TRMT2A: variants seen among roughly 807,000 people sequenced by gnomAD.
TRMT2A encodes the protein tRNA (uracil-5-)-methyltransferase homolog A.
In TRMT2A, 60 loss-of-function variants were observed where a neutral mutation model predicts 59.3. The ratio of observed to expected loss-of-function variants is 1.01; its 90% CI spans 0.82 to 1.26. The LOEUF is 1.26. TRMT2A is among the 50% of genes most tolerant of loss of function. TRMT2A has a pLI of 0.00. For synonymous variants in TRMT2A, 403 were observed against 353.7 expected (o/e 1.14, Z -1.56); for missense variants, 863 against 845.2 (o/e 1.02, Z -0.26).
At position 20,113,268 on chromosome 22, in the gene TRMT2A, C is replaced by G. The variant is rs201337295; in HGVS notation, c.1433-34G>C. On this transcript the variant is annotated intron_variant, in intron 9 of 11. Coordinates refer to ENST00000252136, the MANE Select transcript of TRMT2A (RefSeq NM_022727.6). ...ATGGCACCGTGGCCTGTCAGAGGGC[C>G]ACATGCCCTCCCAGCAGGGCCAGCC... is the stretch of plus-strand genomic sequence containing the variant. 817 of 1,520,598 alleles carry G rather than the reference C, an allele frequency of 5.4e-4. 1 individual carries two copies. The highest frequency in any genetic ancestry group is 6.9e-4 in the Non-Finnish European group (780 of 1,132,938). 94.2% of individuals were successfully genotyped at this position (1,520,598 alleles called of 1,614,324 possible).
rs2049978192 is a variant in TRMT2A, at chr22:20,115,374, C to T, written c.782G>A (p.Arg261Gln). Residue 261 changes from arginine to glutamine, a missense_variant, in exon 4 of 12, where the codon CGG (arginine) becomes CAG (glutamine). By Grantham distance (43) the Arg-to-Gln change is conservative. Transcript: ENST00000252136. ...VDGEDNTVGC[R>Q]LGKYKGGTCA... ...CGTCCCGCCCTTGTACTTGCCGAGC[C>T]GACAGCCCACGGTGTTATCCTCCCC... 24 of 1,612,692 alleles carry T rather than the reference C, an allele frequency of 1.5e-5. No homozygotes were observed. The highest frequency in any genetic ancestry group is 3.3e-5 in the Admixed American group (2 of 59,992).
chr22:20,115,299 TTGGTGGCTTCGGGGA>T lies in TRMT2A; in HGVS notation c.842_856del (p.Ile281_Thr285del), dbSNP rs748723633. 4.3e-6 allele frequency: 7 copies of T among 1,612,720 alleles called. No homozygotes were observed. On this transcript the variant is annotated inframe_deletion, in exon 4 of 12. Transcript: ENST00000252136. ...CTCCTGGAAGGCCTTCACCACCTGC[TTGGTGGCTTCGGGGA>T]TGTGCACGGTGTCAAACGGGGCTGC... is the stretch of plus-strand genomic sequence containing the variant.
intron 9 of TRMT2A, 32 bp downstream of exon 9, chr22:20,113,400 T>C (rs765694263): frequency 3.7e-4 from 383 of 1,048,554 alleles, no homozygotes; most frequent in Non-Finnish European, 4.7e-4. Flanking sequence ...GCTGCCCCCA[T>C]CCCCACCCCC....
intron 9 of TRMT2A, 33 bp downstream of exon 9, chr22:20,113,399 A>AGC: frequency 9.8e-6 from 7 of 713,624 alleles, no homozygotes; most frequent in Non-Finnish European, 1.4e-5. Flanking sequence ...GGCTGCCCCC[A>AGC]TCCCCACCCC....
chr22:20,115,891 C>G lies in TRMT2A; in HGVS notation c.600-111G>C, dbSNP rs2049998814. The G allele has an allele frequency of 1.1e-5, 15 of 1,378,208 alleles. No homozygotes were observed. In the South Asian group the frequency reaches 2.1e-4, roughly 19 times the overall value. 85.4% of individuals were successfully genotyped at this position (1,378,208 alleles called of 1,614,324 possible). On this transcript the variant is annotated intron_variant, in intron 2 of 11. Transcript: ENST00000252136. ...CCCCTCCTTTGGGATGTCATTGTGC[C>G]CACTGTGACGTGGGTGTCTTGCTGG...
intron 5 of TRMT2A, 43 bp from the exon 6 acceptor site, chr22:20,114,919 C>T (rs1379334362): frequency 1.9e-6 from 3 of 1,567,336 alleles, no homozygotes; most frequent in Non-Finnish European, 2.6e-6. Context: ...TGTGCTGAGG[C>T]CCACCTAGGC....
At position 20,115,387 on chromosome 22, in the gene TRMT2A, T is replaced by A. The variant is rs776749209; in HGVS notation, c.769A>T (p.Thr257Ser). 4 of 1,612,578 alleles carry A rather than the reference T, an allele frequency of 2.5e-6. No homozygotes were observed. Among genetic ancestry groups the A allele is most frequent in the Non-Finnish European group, 3.4e-6 (4 of 1,179,962 alleles). The change falls in exon 4 of 12, where the codon ACC becomes TCC. Residue 257 changes from threonine to serine, a missense_variant. Transcript: ENST00000252136. ...TACTTGCCGAGCCGACAGCCCACGG[T>A]GTTATCCTCCCCATCCACCCCGACG... is the stretch of plus-strand genomic sequence containing the variant. The part of the protein sequence containing the change: ...VGVGVDGEDN[T>S]VGCRLGKYKG...
chr22:20,113,400 T>TGGCCCCCCCCCCCCCC, intron 9 of TRMT2A, 32 bp downstream of exon 9: 1 of 1,049,436 alleles, frequency 9.5e-7, no homozygotes, highest in Non-Finnish European at 1.4e-6. Flanking sequence ...GCTGCCCCCA[T>TGGCCCCCCCCCCCCCC]CCCCACCCCC....
intron 2 of TRMT2A, 70 bp downstream of exon 2, chr22:20,115,968 A>G (rs1040333268): frequency 1.3e-6 from 2 of 1,501,446 alleles, no homozygotes; most frequent in African/African-American, 2.8e-5. Flanking sequence ...CAACTGGTGC[A>G]TGGACAGGCT....
Position 20,111,987 on chromosome 22 carries a change from C to G in TRMT2A, c.*576G>C, listed in dbSNP as rs2049860024. On this transcript the variant is annotated 3_prime_UTR_variant, in exon 12 of 12. Coordinates refer to ENST00000252136, the MANE Select transcript of TRMT2A (RefSeq NM_022727.6). The stretch of plus-strand genomic sequence containing the variant: ...AGGCTGGACCCTGCCTTTGTAACAG[C>G]TGAGCAGCACCCCAGCATGGCCCCT... 6.5e-6 allele frequency: 1 copy of G among 154,994 alleles called. No individual in the cohort carries two copies. The highest frequency in any genetic ancestry group is 6.5e-5 in the Admixed American group (1 of 15,384). The allele number at this position is 154,994 out of a possible 1,614,324, so 9.6% of individuals were successfully genotyped here.
In TRMT2A at chr22:20,115,440, T is replaced by A; in HGVS notation, c.716A>T (p.Tyr239Phe). 1 of 1,607,202 alleles carries A rather than the reference T, an allele frequency of 6.2e-7. No individual in the cohort carries two copies. The highest frequency in any genetic ancestry group is 8.5e-7 in the Non-Finnish European group (1 of 1,176,988). ...GVRPSPQQTE[Y>F]RNKCEFLVGV... Reference sequence around the variant, plus strand: ...AACCAGAAACTCACACTTATTACGATACTCAGTCTGCAGGGAGAGAGAGCT... The same window carrying A: ...AACCAGAAACTCACACTTATTACGAAACTCAGTCTGCAGGGAGAGAGAGCT... Residue 239 changes from tyrosine to phenylalanine, a missense_variant, in exon 4 of 12, where the codon TAT becomes TTT. By Grantham distance (22) the Tyr-to-Phe change is conservative. Coordinates refer to ENST00000252136, the MANE Select transcript of TRMT2A (RefSeq NM_022727.6).
chr22:20,112,768 A>G lies in TRMT2A; in HGVS notation c.1673T>C (p.Val558Ala), dbSNP rs746957275. Residue 558 changes from valine to alanine, a missense_variant, in exon 12 of 12, where the codon GTG becomes GCG. Val to Ala is a moderately conservative substitution (Grantham distance 64, BLOSUM62 0). Transcript: ENST00000252136. ...VDLCRAPSNR[V>A]KGIPFRPVKA... Reference sequence around the variant, plus strand: ...GACCGGCCGGAAGGGAATGCCCTTCACCCGGTTAGATGGGGCTCTGCAGAG... The same window carrying G: ...GACCGGCCGGAAGGGAATGCCCTTCGCCCGGTTAGATGGGGCTCTGCAGAG... The G allele has an allele frequency of 9.9e-6, 16 of 1,613,412 alleles. No individual in the cohort carries two copies. The South Asian group carries it at 1.5e-4, about 16-fold the overall frequency.
rs891685811 is a variant in TRMT2A at position 20,114,769 on chromosome 22, C to T, written c.1113G>A (p.Glu371=). 14 of 1,612,054 alleles carry T rather than the reference C, an allele frequency of 8.7e-6. No homozygotes were observed. The highest frequency in any genetic ancestry group is 1.1e-5 in the Non-Finnish European group (13 of 1,179,730). The part of the protein sequence containing the change: ...SGVTCLYFVE[E]GQRKTPSQEG... ...CCACTCGGGCTCCTTACCGCTGTCC[C>T]TCCTCCACGAAGTAGAGGCAGGTCA... Residue 371 remains glutamate (E), a synonymous_variant, in exon 6 of 12, where the codon GAG becomes GAA. Coordinates refer to ENST00000252136, the MANE Select transcript of TRMT2A (RefSeq NM_022727.6).
rs778344800 is a variant in TRMT2A at position 20,116,462 on chromosome 22, G to A, written c.175C>T (p.Leu59Phe). The A allele has an allele frequency of 1.9e-6, 3 of 1,612,796 alleles. No individual in the cohort carries two copies. The highest frequency in any genetic ancestry group is 2.7e-5 in the African/African-American group (2 of 74,950). Residue 59 changes from leucine (L) to phenylalanine (F), a missense_variant, in exon 2 of 12, where the codon CTC becomes TTC. Coordinates refer to ENST00000252136, the MANE Select transcript of TRMT2A (RefSeq NM_022727.6). ...AAGTCATCCCTGATGTAGCTGTAGA[G>A]CCCGGGCTGAGGCCCCGGCCCTGTA... is the stretch of plus-strand genomic sequence containing the variant. ...AATGPGPQPG[L>F]YSYIRDDLFT... is the part of the protein sequence containing the mutation.
Position 20,112,604 on chromosome 22 carries a change from C to T in TRMT2A, c.1837G>A (p.Asp613Asn), listed in dbSNP as rs145849184. The change falls in exon 12 of 12, where the codon GAT becomes AAT. Residue 613 changes from aspartate to asparagine, a missense_variant. Physicochemically the swap from Asp to Asn is conservative, Grantham distance 23. Transcript: ENST00000252136. ...PPAQPTPGPP[D>N]NTLQETGTFP... Reference sequence around the variant, plus strand: ...GTCCCAGTTTCTTGTAGGGTGTTATCTGGGGGTCCTGGTGTGGGTTGAGCT... The same window carrying T: ...GTCCCAGTTTCTTGTAGGGTGTTATTTGGGGGTCCTGGTGTGGGTTGAGCT... The T allele has an allele frequency of 2.0e-5, 33 of 1,614,076 alleles. No individual in the cohort carries two copies. In the African/African-American group the frequency reaches 4.1e-4, roughly 20 times the overall value.
In TRMT2A at chr22:20,113,233, C is replaced by T. The variant is rs761719929; in HGVS notation, c.1434G>A (p.Glu478=). The T allele has an allele frequency of 4.5e-6, 7 of 1,550,760 alleles. No individual in the cohort carries two copies. The highest frequency in any genetic ancestry group is 5.2e-6 in the Non-Finnish European group (6 of 1,149,758). ...EDARVNAQDN[E]LSNVEFHCGR... is the part of the protein sequence containing the mutation. ...CGCAGTGGAACTCCACATTACTCAA[C>T]TCTGAAGAGATGGCACCGTGGCCTG... The change falls in exon 10 of 12, where the codon GAG becomes GAA. Residue 478 remains glutamate, a splice_region_variant and synonymous_variant. Transcript: ENST00000252136.
chr22:20,116,099 A>AG lies in TRMT2A; in HGVS notation c.537dup (p.Tyr180LeufsTer3), dbSNP rs1287299545. The AG allele has an allele frequency of 1.9e-6, 3 of 1,605,520 alleles. No individual in the cohort carries two copies. In the South Asian group the frequency reaches 3.3e-5, roughly 18 times the overall value. On this transcript the variant is annotated frameshift_variant, in exon 2 of 12. Transcript: ENST00000252136. LOFTEE classifies it high-confidence loss of function. ...TGCTTCCGCTCAAGCTGCTCAGCAT[A>AG]GGGCACTGTCCATAGAGGGGTCACC...
In TRMT2A at chr22:20,112,410, C is replaced by T. The variant is rs925115159; in HGVS notation, c.*153G>A. The T allele has an allele frequency of 1.9e-6, 2 of 1,041,662 alleles. No homozygotes were observed. Among genetic ancestry groups the T allele is most frequent in the East Asian group, 2.6e-5 (1 of 38,080 alleles). The allele number at this position is 1,041,662 out of a possible 1,614,324, so 64.5% of individuals were successfully genotyped here. On this transcript the variant is annotated 3_prime_UTR_variant, in exon 12 of 12. Transcript: ENST00000252136. ...CCACCTGTCTTCCTGGTCAGGGCCCCTGGCCCCTAGCAGCAGGCCAATCCT... is the reference window on the plus strand; with the variant it reads ...CCACCTGTCTTCCTGGTCAGGGCCCTTGGCCCCTAGCAGCAGGCCAATCCT...
intron 9 of TRMT2A, 23 bp from the exon 10 acceptor site, chr22:20,113,257 T>G: frequency 1.3e-6 from 2 of 1,527,026 alleles, no homozygotes; most frequent in South Asian, 1.3e-5. Flanking sequence ...CACCGTGGCC[T>G]GTCAGAGGGC....
Sources: gnomAD v4.1 joint callset for allele counts on GRCh38, gnomAD v4.1.1 for gene constraint, MANE v1.5 for transcripts, NCBI Gene and HGNC (gene_info 2026-07-23, HGNC 2026-07-21) for gene names.